ANKHD1: variants seen among roughly 807,000 people sequenced by gnomAD.
ANKHD1 encodes ankyrin repeat and KH domain containing 1.
ANKHD1 carries 31 observed loss-of-function variants against 230.5 expected under a neutral mutation model. That is an observed-to-expected ratio of 0.13 (90% CI 0.10 to 0.18). ANKHD1 has a LOEUF of 0.18. Ranked by LOEUF, ANKHD1 falls within the 10% of genes least tolerant of loss-of-function variation. The probability of loss-of-function intolerance (pLI) is 1.00; values close to 1 mark genes in which losing one functional copy is unlikely to be tolerated. For missense variants in ANKHD1, 2,256 were observed against 3,071.3 expected (o/e 0.73, Z 6.27); for synonymous variants, 1,074 against 1,117.6 (o/e 0.96, Z 0.78).
chr5:140,427,543 G>C (rs1346874789), intron 1 of ANKHD1, among the ~76,000 whole-genome samples: 1 of 143,044 alleles, frequency 7.0e-6, no homozygotes, highest in South Asian at 2.2e-4. Context: ...CTGGCCGGGC[G>C]GGGGGCTGAC....
intron 29 of ANKHD1, among the ~76,000 whole-genome samples, chr5:140,531,998 G>A (rs1320761479): frequency 6.6e-6 from 1 of 152,124 alleles, no homozygotes; most frequent in African/African-American, 2.4e-5. Context: ...CATGAGATCA[G>A]AAGTTCGAGA....
At chr5:140,423,866 T>C (rs1422680845) in intron 1 of ANKHD1, among the ~76,000 whole-genome samples, 1 of 152,184 alleles carries the variant, frequency 6.6e-6, no homozygotes, top group African/African-American at 2.4e-5. Flanking sequence ...TCATTAGGAC[T>C]TCTCACAGGA....
At chr5:140,482,546 C>T (rs1166451182) in intron 10 of ANKHD1, 34 bp from the exon 11 acceptor site, 1 of 1,601,736 alleles carries the variant, frequency 6.2e-7, no homozygotes, top group Non-Finnish European at 8.5e-7. Context: ...AGACTGTTGG[C>T]ATTGATGGAT....
chr5:140,494,603 A>G (rs932136211), intron 14 of ANKHD1, among the ~76,000 whole-genome samples: 3 of 152,168 alleles, frequency 2.0e-5, no homozygotes, highest in African/African-American at 4.8e-5. Flanking sequence ...GTAATGACAC[A>G]TGTTGCATAT....
intron 1 of ANKHD1, among the ~76,000 whole-genome samples, chr5:140,420,931 TC>T (rs1476599144): frequency 6.6e-6 from 1 of 152,188 alleles, no homozygotes; most frequent in Non-Finnish European, 1.5e-5. Flanking sequence ...ACCCCCTCCT[TC>T]CCACTTCCAT....
intron 20 of ANKHD1, among the ~76,000 whole-genome samples, chr5:140,508,406 A>G (rs1172596213): frequency 6.6e-6 from 1 of 152,152 alleles, no homozygotes; most frequent in African/African-American, 2.4e-5. Context: ...CTAACATCTA[A>G]TTTGACCATG....
At chr5:140,484,999 T>G in intron 11 of ANKHD1, 122 bp from the exon 12 acceptor site, 1 of 1,381,484 alleles carries the variant, frequency 7.2e-7, no homozygotes, top group Non-Finnish European at 9.4e-7. Context: ...AACTATACAC[T>G]TAATGATTTG....
chr5:140,417,875 C>T (rs1266986280), intron 1 of ANKHD1, among the ~76,000 whole-genome samples: 10 of 120,946 alleles, frequency 8.3e-5, no homozygotes, highest in African/African-American at 1.9e-4. Flanking sequence ...CTCGCTCTGT[C>T]GTCGCTCAGG....
intron 1 of ANKHD1, among the ~76,000 whole-genome samples, chr5:140,425,328 A>G (rs1772317613): frequency 1.3e-5 from 2 of 152,044 alleles, no homozygotes; most frequent in Admixed American, 6.6e-5. Flanking sequence ...TGGTGTGATC[A>G]TGGCTCATGC....
At chr5:140,417,315 A>G (rs1036194867) in intron 1 of ANKHD1, among the ~76,000 whole-genome samples, 3 of 152,062 alleles carry the variant, frequency 2.0e-5, no homozygotes, top group Non-Finnish European at 2.9e-5. Flanking sequence ...ACCTGTAGTT[A>G]TCATTATGAC....
In ANKHD1 at chr5:140,507,534, C is replaced by T. The variant is rs930040227; in HGVS notation, c.3552-251C>T. 6.6e-6 allele frequency among the ~76,000 whole-genome samples: 1 copy of T among 151,956 alleles called. No individual in the cohort carries two copies. The highest frequency in any genetic ancestry group is 1.5e-5 in the Non-Finnish European group (1 of 67,996). On this transcript the variant is annotated intron_variant, in intron 19 of 33. Coordinates refer to ENST00000360839, the MANE Select transcript of ANKHD1 (RefSeq NM_017747.3). This position sits in a 1 kb window ranked among gnomAD's most constrained non-coding sequence, Gnocchi z 4.1. ...GTTGGTCAGGCTGGTCTCAAACTCC[C>T]GACCTCAGGTGATCTGCCCTCCTTG...
intron 9 of ANKHD1, among the ~76,000 whole-genome samples, chr5:140,460,289 CA>C (rs1163800006): frequency 7.3e-5 from 11 of 151,708 alleles, no homozygotes; most frequent in Non-Finnish European, 1.3e-4. Flanking sequence ...AAATTAGTCC[CA>C]ACAGATGTAA....
intron 5 of ANKHD1, among the ~76,000 whole-genome samples, chr5:140,443,542 T>C (rs1774033717): frequency 6.6e-6 from 1 of 151,574 alleles, no homozygotes; most frequent in Admixed American, 6.6e-5. Flanking sequence ...TGCAAAAAAA[T>C]TAGCTAGGCA....
rs968350569 is a variant in ANKHD1, at chr5:140,487,222, G to A, written c.2245+162G>A. On this transcript the variant is annotated intron_variant, in intron 14 of 33. Coordinates refer to ENST00000360839, the MANE Select transcript of ANKHD1 (RefSeq NM_017747.3). ...TCTTACTATCTAAAACCAAAAAGAC[G>A]TGTTAGGAAAAATGACTTTTTATTA... Among the ~76,000 whole-genome samples the A allele has an allele frequency of 8.2e-5, 12 of 145,982 alleles. 1 individual carries two copies. In the South Asian group the frequency reaches 1.0e-3, roughly 13 times the overall value.
intron 9 of ANKHD1, 65 bp from the exon 10 acceptor site, chr5:140,464,601 CA>C: frequency 7.5e-7 from 1 of 1,330,524 alleles, no homozygotes; most frequent in Non-Finnish European, 9.9e-7. Flanking sequence ...CACCAGATTG[CA>C]AAATTGGACT....
chr5:140,476,210 A>G (rs1226167672), intron 10 of ANKHD1, among the ~76,000 whole-genome samples: 1 of 152,082 alleles, frequency 6.6e-6, no homozygotes, highest in East Asian at 1.9e-4. Context: ...AAAGAGATAG[A>G]AAATATGAAA....
chr5:140,427,747 G>A (rs1357353792), intron 1 of ANKHD1, among the ~76,000 whole-genome samples: 6 of 147,112 alleles, frequency 4.1e-5, no homozygotes, highest in Non-Finnish European at 7.6e-5. Flanking sequence ...CTCACCTCCC[G>A]GACAGGGCGG....
intron 7 of ANKHD1, among the ~76,000 whole-genome samples, chr5:140,453,968 C>A (rs1774954414): frequency 1.3e-5 from 2 of 152,202 alleles, no homozygotes; most frequent in Non-Finnish European, 2.9e-5. Context: ...TCAGGAGACA[C>A]ATCTCACGTG....
At position 140,523,708 on chromosome 5, in the gene ANKHD1, G is replaced by A. The variant is rs148007636; in HGVS notation, c.4318-358G>A. On this transcript the variant is annotated intron_variant, in intron 24 of 33. Transcript: ENST00000360839. ...CTCGAGTAGCTGAGACTGCAAGTCC[G>A]TGCCACCACACCCAGTTAATTTTTG... Among the ~76,000 whole-genome samples the A allele has an allele frequency of 2.1e-3, 312 of 151,834 alleles. 1 individual carries two copies. The highest frequency in any genetic ancestry group is 0.017 in the Middle Eastern group (5 of 294).
Sources: gnomAD v4.1 joint callset for allele counts (sites outside exome capture counted in the v4.1 genomes callset) on GRCh38, gnomAD v4.1.1 for gene constraint, Gnocchi (gnomAD v3.1) non-coding constraint, MANE v1.5 for transcripts, NCBI Gene and HGNC (gene_info 2026-07-23, HGNC 2026-07-21) for gene names.